Variants in FRMPD4 observed in about 807,000 individuals in gnomAD.
FRMPD4 encodes FERM and PDZ domain-containing protein 4.
In FRMPD4, 22 loss-of-function variants were observed where a neutral mutation model predicts 94.1. The ratio of observed to expected loss-of-function variants is 0.23; its 90% confidence interval spans 0.17 to 0.33. The LOEUF is 0.33. Among genes scored for constraint, FRMPD4 ranks in the 10% least tolerant of loss-of-function variants. The probability of loss-of-function intolerance (pLI) is 1.00; values close to 1 mark genes in which losing one functional copy is unlikely to be tolerated. For missense variants in FRMPD4, 1,111 were observed against 1,339.9 expected, an observed-to-expected ratio of 0.83 and a Z score of 2.67; for synonymous variants, 631 against 548.6, an observed-to-expected ratio of 1.15 and a Z score of -2.10.
intron 3 of FRMPD4, among the ~76,000 whole-genome samples, chrX:11,980,653 C>T (rs987278212): frequency 3.6e-5 from 4 of 111,622 alleles, no homozygotes; most frequent in African/African-American, 1.3e-4. Context: ...GCATAATATA[C>T]ATATAGGATG....
At chrX:12,378,510 T>A (rs1416516574) in intron 1 of FRMPD4, among the ~76,000 whole-genome samples, 1 of 112,292 alleles carries the variant, frequency 8.9e-6, no homozygotes, top group East Asian at 2.8e-4. Flanking sequence ...CAAATGCCAC[T>A]TGGGGGTGAA....
chrX:12,437,724 G>A (rs1045416426), intron 1 of FRMPD4, among the ~76,000 whole-genome samples: 3 of 111,810 alleles, frequency 2.7e-5, no homozygotes, highest in Non-Finnish European at 3.8e-5. Flanking sequence ...ATCTGCCTTC[G>A]TCTCTTTTCC....
In FRMPD4 at chrX:12,455,574, A is replaced by G. The variant is rs529654943; in HGVS notation, c.42-43106A>G. Among the ~76,000 whole-genome samples the G allele has an allele frequency of 3.8e-4, 43 of 112,072 alleles. No homozygotes were observed. The South Asian group carries it at 0.014, about 35-fold the overall frequency. On this transcript the variant is annotated intron_variant, in intron 1 of 16. Coordinates refer to ENST00000675598, the MANE Select transcript of FRMPD4 (RefSeq NM_001368397.1). ...TTCGTGAATAGCTCCTTCTTGGAAT[A>G]CAGGAGCAATTGTTGAGAGTCCAGG...
intron 3 of FRMPD4, among the ~76,000 whole-genome samples, chrX:12,107,824 G>A (rs2055313892): frequency 9.0e-6 from 1 of 111,417 alleles, no homozygotes; most frequent in Non-Finnish European, 1.9e-5. Context: ...GGGTTTCAGT[G>A]ATTAAAGATC....
chrX:12,704,343 A>T lies in FRMPD4; in HGVS notation c.1071-16A>T. On this transcript the variant is annotated splice_polypyrimidine_tract_variant and intron_variant, in intron 10 of 16. Coordinates refer to ENST00000675598, the MANE Select transcript of FRMPD4 (RefSeq NM_001368397.1). ...ATCACAGAAATGTGAAATTAAAGAT[A>T]TGCTCTTTATTGCAGAAAAGAATGG... 1 of 1,117,326 alleles carries T rather than the reference A, an allele frequency of 8.9e-7. No individual in the cohort carries two copies. The allele number at this position is 1,117,326 out of a possible 1,213,427, so 92.1% of individuals were successfully genotyped here.
At chrX:12,516,930 C>T (rs1236729446) in intron 2 of FRMPD4, among the ~76,000 whole-genome samples, 4 of 85,011 alleles carry the variant, frequency 4.7e-5, no homozygotes, top group East Asian at 3.8e-4. Flanking sequence ...CTAATCTTGT[C>T]GACCTGTCTT....
At chrX:11,969,580 G>T (rs1032017756) in intron 3 of FRMPD4, among the ~76,000 whole-genome samples, 3 of 111,798 alleles carry the variant, frequency 2.7e-5, no homozygotes, top group African/African-American at 9.8e-5. Flanking sequence ...TAAGTTGAAA[G>T]TTGCCTAAAT....
At chrX:12,391,895 G>A (rs1312446756) in intron 1 of FRMPD4, among the ~76,000 whole-genome samples, 4 of 111,099 alleles carry the variant, frequency 3.6e-5, no homozygotes, top group Non-Finnish European at 5.7e-5. Flanking sequence ...TCTCAAGTAA[G>A]GTCTTAGTAG....
chrX:12,393,807 A>G (rs1331199539), intron 1 of FRMPD4, among the ~76,000 whole-genome samples: 1 of 112,079 alleles, frequency 8.9e-6, no homozygotes. Context: ...AAGGAATACA[A>G]GGTAATAAAA....
chrX:12,610,640 C>T (rs1166878129), intron 3 of FRMPD4, among the ~76,000 whole-genome samples: 2 of 109,654 alleles, frequency 1.8e-5, no homozygotes, highest in East Asian at 2.8e-4. Flanking sequence ...CCCAGCTACT[C>T]GGGAGACTGA....
intron 3 of FRMPD4, among the ~76,000 whole-genome samples, chrX:12,078,794 C>T (rs376363126): frequency 1.8e-5 from 2 of 111,510 alleles, no homozygotes; most frequent in Non-Finnish European, 3.8e-5. Flanking sequence ...CCTCTGCACA[C>T]CACATACCAG....
At chrX:12,654,602 G>C (rs1238150887) in intron 4 of FRMPD4, among the ~76,000 whole-genome samples, 1 of 111,938 alleles carries the variant, frequency 8.9e-6, no homozygotes, top group Non-Finnish European at 1.9e-5. Context: ...AGAGTCATGA[G>C]ATGGAAGTCA....
Position 12,634,692 on chromosome X carries a change from G to A in FRMPD4, c.422+19811G>A, listed in dbSNP as rs761847048. On this transcript the variant is annotated intron_variant, in intron 4 of 16. Transcript: ENST00000675598. Reference sequence around the variant, plus strand: ...ACCACACATTTCTTGCCCCTTGAACGCTACATGTATTATTTTTCTTAAGCA... The same window carrying A: ...ACCACACATTTCTTGCCCCTTGAACACTACATGTATTATTTTTCTTAAGCA... Among the ~76,000 whole-genome samples the A allele has an allele frequency of 1.0e-3, 116 of 110,943 alleles. 1 individual carries two copies. The highest frequency in any genetic ancestry group is 4.8e-4 in the Admixed American group (5 of 10,438).
At chrX:12,535,202 C>T (rs960331475) in intron 2 of FRMPD4, among the ~76,000 whole-genome samples, 57 of 111,988 alleles carry the variant, frequency 5.1e-4, no homozygotes, top group Middle Eastern at 4.6e-3. Context: ...CTCTTGTCTG[C>T]TGCCATGTGA....
intron 1 of FRMPD4, among the ~76,000 whole-genome samples, chrX:12,285,035 TTG>T (rs2054580801): frequency 1.8e-5 from 2 of 111,892 alleles, no homozygotes; most frequent in African/African-American, 6.5e-5. Context: ...TATTTCAAGT[TTG>T]ACCTTTCATG....
chrX:12,408,531 T>C (rs2056693865), intron 1 of FRMPD4, among the ~76,000 whole-genome samples: 1 of 110,904 alleles, frequency 9.0e-6, no homozygotes, highest in Admixed American at 9.6e-5. Context: ...GGCATTTGTT[T>C]TTGTTTGCTT....
chrX:12,418,120 C>T (rs773373437), intron 1 of FRMPD4, among the ~76,000 whole-genome samples: 4 of 109,737 alleles, frequency 3.6e-5, no homozygotes, highest in East Asian at 5.6e-4. Flanking sequence ...GCTGGAATAA[C>T]GTGTTCTAAA....
At chrX:12,114,822 GTAATCT>G (rs2055394532) in intron 3 of FRMPD4, among the ~76,000 whole-genome samples, 1 of 112,408 alleles carries the variant, frequency 8.9e-6, no homozygotes, top group Non-Finnish European at 1.9e-5. Context: ...CTTTTTAAAT[GTAATCT>G]TAATTAGCTA....
At chrX:12,633,691 C>A (rs1353005352) in intron 4 of FRMPD4, among the ~76,000 whole-genome samples, 1 of 112,250 alleles carries the variant, frequency 8.9e-6, no homozygotes, top group African/African-American at 3.2e-5. Flanking sequence ...ATACAGAAGC[C>A]TGGAAAGTAG....
Sources: gnomAD v4.1 joint callset for allele counts (sites outside exome capture counted in the v4.1 genomes callset) on GRCh38, gnomAD v4.1.1 for gene constraint, MANE v1.5 for transcripts, NCBI Gene and HGNC (gene_info 2026-07-23, HGNC 2026-07-21) for gene names.